Variants in COL17A1 observed in about 807,000 individuals in gnomAD.
The protein encoded by COL17A1 is collagen type XVII alpha 1 chain.
Under a neutral mutation model 218.4 loss-of-function variants are expected in COL17A1, and 181 were observed. That is an observed-to-expected ratio of 0.83 (90% CI 0.73 to 0.94). The LOEUF (loss-of-function observed/expected upper bound fraction) is 0.94. Ranked by LOEUF, COL17A1 falls within the 40% of genes least tolerant of loss-of-function variation. The pLI is 0.00. For synonymous variants in COL17A1, 721 were observed against 731.0 expected (o/e 0.99, Z 0.22); for missense variants, 1,924 against 1,945.9 (o/e 0.99, Z 0.21).
intron 15 of COL17A1, chr10:104,059,351 A>G: frequency 1.1e-5 from 5 of 473,552 alleles, no homozygotes; most frequent in South Asian, 6.7e-5. Flanking sequence ...TCTGAAGATT[A>G]TGGAGAAAAA....
chr10:104,038,231 T>C lies in COL17A1; in HGVS notation c.3070+175A>G, dbSNP rs866380721. ...CTGGGCCTGGACACATAGACACACA[T>C]ACACACACACACACACACACACACA... On this transcript the variant is annotated intron_variant, in intron 45 of 55. Transcript: ENST00000648076. 9.2e-4 allele frequency among the ~76,000 whole-genome samples: 130 copies of C among 142,070 alleles called. 1 individual carries two copies. The highest frequency in any genetic ancestry group is 8.7e-3 in the East Asian group (41 of 4,738). The allele number at this position is 142,070 out of a possible 152,430, so 93.2% of individuals were successfully genotyped here.
intron 5 of COL17A1, among the ~76,000 whole-genome samples, chr10:104,074,997 T>C (rs1162804311): frequency 1.3e-5 from 2 of 152,232 alleles, no homozygotes; most frequent in Non-Finnish European, 2.9e-5. Context: ...TTCTTGACCC[T>C]GAGCACTCTC....
intron 24 of COL17A1, 121 bp downstream of exon 24, chr10:104,052,034 G>T (rs2086474384): frequency 2.2e-6 from 3 of 1,368,004 alleles, no homozygotes; most frequent in South Asian, 1.2e-5. Flanking sequence ...CACCACCCCT[G>T]CACAGGCCTG....
intron 4 of COL17A1, 83 bp downstream of exon 4, chr10:104,077,339 C>T: frequency 9.6e-7 from 1 of 1,046,222 alleles, no homozygotes; most frequent in Non-Finnish European, 1.5e-6. Context: ...TTGTGTCTGC[C>T]CTGTGTCCTG....
At chr10:104,083,016 C>CCCAATG (rs912426949) in intron 1 of COL17A1, among the ~76,000 whole-genome samples, 14 of 151,470 alleles carry the variant, frequency 9.2e-5, no homozygotes, top group Non-Finnish European at 1.8e-4. Context: ...CTGAAGCCAC[C>CCCAATG]CCAATGTCTG....
At chr10:104,046,670 G>T in intron 32 of COL17A1, 77 bp downstream of exon 32, 12 of 1,432,252 alleles carry the variant, frequency 8.4e-6, no homozygotes, top group Non-Finnish European at 1.1e-5. Context: ...TCTGGTGACT[G>T]CAGGAAAAGC....
At chr10:104,054,541 CCCCAAAGTGGAGGAG>C (rs1286708991) in intron 20 of COL17A1, among the ~76,000 whole-genome samples, 1 of 152,000 alleles carries the variant, frequency 6.6e-6, no homozygotes, top group Admixed American at 6.6e-5. Flanking sequence ...GACTCGAGGG[CCCCAAAGTGGAGGAG>C]CTGACTTCCT....
chr10:104,048,157 T>C (rs2086432065), intron 29 of COL17A1, 53 bp from the exon 30 acceptor site: 2 of 1,597,054 alleles, frequency 1.3e-6, no homozygotes, highest in African/African-American at 2.7e-5. Flanking sequence ...ATTTCTGCGA[T>C]TCCTCCCTCT....
chr10:104,073,138 G>A, intron 7 of COL17A1, 72 bp downstream of exon 7: 1 of 1,390,548 alleles, frequency 7.2e-7, no homozygotes, highest in South Asian at 1.2e-5. Context: ...CCTGGCTCAA[G>A]GCTGGACACA....
intron 10 of COL17A1, 72 bp downstream of exon 10, chr10:104,064,366 G>T: frequency 1.2e-6 from 2 of 1,609,752 alleles, no homozygotes; most frequent in Non-Finnish European, 1.7e-6. Flanking sequence ...ACATTCTGAG[G>T]GTCATCCAGC....
At chr10:104,076,663 G>T (rs1435446368) in intron 4 of COL17A1, among the ~76,000 whole-genome samples, 2 of 152,160 alleles carry the variant, frequency 1.3e-5, no homozygotes, top group Non-Finnish European at 2.9e-5. Flanking sequence ...AAAGGATTTG[G>T]CAGGATTTTT....
At chr10:104,056,042 G>T (rs551610577) in intron 17 of COL17A1, 39 bp from the exon 18 acceptor site, 1 of 1,611,008 alleles carries the variant, frequency 6.2e-7, no homozygotes, top group Non-Finnish European at 8.5e-7. Context: ...CTGAGGGCCC[G>T]GTCCTTCGCC....
chr10:104,034,301 G>C lies in COL17A1; in HGVS notation c.3800C>G (p.Pro1267Arg). The C allele has an allele frequency of 6.3e-7, 1 of 1,576,120 alleles. No homozygotes were observed. The change falls in exon 52 of 56, where the codon CCA becomes CGA. Residue 1267 changes from proline (P) to arginine (R), a missense_variant. Transcript: ENST00000648076. Reference protein sequence around the residue: ...PDVRSFIVGPPGPPGPQGPPG... With the variant: ...PDVRSFIVGPRGPPGPQGPPG... ...GGGTCCCTGCGGCCCAGGAGGGCCT[G>C]GGGGGCCAACAATGAAGCTGCGCAC...
chr10:104,060,530 G>A (rs2086573689), intron 13 of COL17A1, among the ~76,000 whole-genome samples: 1 of 152,132 alleles, frequency 6.6e-6, no homozygotes, highest in Admixed American at 6.5e-5. Context: ...TGGATGGCTG[G>A]TTTATGGGGG....
At chr10:104,064,351 G>A (rs2086607950) in intron 10 of COL17A1, 87 bp downstream of exon 10, 4 of 1,603,462 alleles carry the variant, frequency 2.5e-6, no homozygotes, top group Non-Finnish European at 3.4e-6. Context: ...CCCTGAGGAT[G>A]GCAAACATTC....
At chr10:104,038,258 ACACACACACACACACACAC>A in intron 45 of COL17A1, 129 bp downstream of exon 45, 1 of 849,894 alleles carries the variant, frequency 1.2e-6, no homozygotes, top group South Asian at 1.4e-5. Flanking sequence ...ACACACACAC[ACACACACACACACACACAC>A]ACACTCCCAC....
intron 15 of COL17A1, chr10:104,059,371 G>A: frequency 1.9e-6 from 1 of 519,436 alleles, no homozygotes; most frequent in East Asian, 3.4e-5. Context: ...AGTAAAATGA[G>A]AAAACAAATG....
chr10:104,036,111 T>A (rs1564671319), intron 48 of COL17A1, among the ~76,000 whole-genome samples: 2 of 141,300 alleles, frequency 1.4e-5, no homozygotes, highest in Non-Finnish European at 3.1e-5. Context: ...TGGGAGTGTG[T>A]GTGTATGGGA....
chr10:104,044,710 C>T (rs1232648272), intron 33 of COL17A1, among the ~76,000 whole-genome samples: 1 of 152,042 alleles, frequency 6.6e-6, no homozygotes, highest in Non-Finnish European at 1.5e-5. Flanking sequence ...TAAAATGGCC[C>T]CTCTTGTGCA....
Sources: gnomAD v4.1 joint callset for allele counts (sites outside exome capture counted in the v4.1 genomes callset) on GRCh38, gnomAD v4.1.1 for gene constraint, MANE v1.5 for transcripts, NCBI Gene and HGNC (gene_info 2026-07-23, HGNC 2026-07-21) for gene names.